Variants in SYVN1 observed in about 807,000 individuals in gnomAD.
SYVN1 encodes synoviolin 1.
Under a neutral mutation model 62.6 loss-of-function variants are expected in SYVN1, and 17 were observed. The ratio of observed to expected loss-of-function variants is 0.27; its 90% CI spans 0.19 to 0.41. The LOEUF is 0.41. Among genes scored for constraint, SYVN1 ranks in the 10% least tolerant of loss-of-function variants. The probability of loss-of-function intolerance (pLI) is 1.00; values close to 1 mark genes in which losing one functional copy is unlikely to be tolerated. For missense variants in SYVN1, 634 were observed against 818.0 expected (o/e 0.78, Z 2.74); for synonymous variants, 316 against 304.0 (o/e 1.04, Z -0.41).
Position 65,128,051 on chromosome 11 carries a change from GA to G in SYVN1, c.*330del, listed in dbSNP as rs1390291978. ...ACTCCGCACATACAAGTAGGGCTTG[GA>G]GGGGCAGCCCCTTCTCCTGGAAAGG... On this transcript the variant is annotated 3_prime_UTR_variant, in exon 16 of 16. Coordinates refer to ENST00000377190, the MANE Select transcript of SYVN1 (RefSeq NM_172230.3). 1.7e-5 allele frequency: 8 copies of G among 465,452 alleles called. No individual in the cohort carries two copies. Among genetic ancestry groups the G allele is most frequent in the Non-Finnish European group, 3.1e-5 (8 of 256,968 alleles). The allele number at this position is 465,452 out of a possible 1,614,324, so 28.8% of individuals were successfully genotyped here. A position where few individuals can be genotyped will look rare whatever the true frequency, so the allele number is the denominator to read the frequency against.
rs768453647 is a variant in SYVN1 at position 65,128,496 on chromosome 11, CAG to C, written c.1748-10_1748-9del. The C allele has an allele frequency of 4.5e-5, 73 of 1,613,550 alleles. No individual in the cohort carries two copies. Among genetic ancestry groups the C allele is most frequent in the Non-Finnish European group, 5.9e-5 (70 of 1,179,636 alleles). On this transcript the variant is annotated splice_polypyrimidine_tract_variant and intron_variant, in intron 15 of 15. Coordinates refer to ENST00000377190, the MANE Select transcript of SYVN1 (RefSeq NM_172230.3). ...TGCCCACTGACTCAGGAGCTGGGGA[CAG>C]AGAGACTGGAAGTGGAACCTAGAGA...
At chr11:65,132,826 C>T in intron 4 of SYVN1, 46 bp from the exon 5 acceptor site, 2 of 1,613,506 alleles carry the variant, frequency 1.2e-6, no homozygotes, top group Middle Eastern at 1.7e-4. Context: ...CTGGGGCTCA[C>T]CCCACACCCT....
chr11:65,129,027 C>G (rs115424401), intron 14 of SYVN1: 2 of 305,960 alleles, frequency 6.5e-6, no homozygotes, highest in Admixed American at 9.3e-5. Context: ...CCACAGTGCT[C>G]GAGCCTTGGA....
In SYVN1 at chr11:65,130,190, C is replaced by G; in HGVS notation, c.1235-15G>C. The G allele has an allele frequency of 6.2e-7, 1 of 1,606,344 alleles. No homozygotes were observed. The highest frequency in any genetic ancestry group is 8.5e-7 in the Non-Finnish European group (1 of 1,175,880). On this transcript the variant is annotated splice_polypyrimidine_tract_variant and intron_variant, in intron 12 of 15. Coordinates refer to ENST00000377190, the MANE Select transcript of SYVN1 (RefSeq NM_172230.3). ...AGAAAGGGCTGCTGAAGAGCAGGAA[C>G]GAAGTCAGTGAGTGTTCCATCCCTG...
In SYVN1 at chr11:65,128,492, G is replaced by T. The variant is rs1484777146; in HGVS notation, c.1748-4C>A. The T allele has an allele frequency of 6.2e-7, 1 of 1,613,672 alleles. No individual in the cohort carries two copies. Among genetic ancestry groups the T allele is most frequent in the Non-Finnish European group, 8.5e-7 (1 of 1,179,718 alleles). On this transcript the variant is annotated splice_polypyrimidine_tract_variant and splice_region_variant and intron_variant, in intron 15 of 15. Transcript: ENST00000377190. ...TCTGTGCCCACTGACTCAGGAGCTG[G>T]GGACAGAGAGACTGGAAGTGGAACC...
At chr11:65,134,015 C>T (rs532739929) in intron 1 of SYVN1, among the ~76,000 whole-genome samples, 3 of 152,246 alleles carry the variant, frequency 2.0e-5, no homozygotes, top group Non-Finnish European at 4.4e-5. Context: ...GCAGCCAGGG[C>T]TGAGAGCAGC....
In SYVN1 at chr11:65,132,960, T is replaced by C; in HGVS notation, c.340A>G (p.Lys114Glu). ...TCCTCAGCCAGCCAGTGGAAACATT[T>C]GAGGAAGAGAAGAAGAGTGAAGAGT... ...VALFTLLLFL[K>E]CFHWLAEDRV... is the part of the protein sequence containing the mutation. The change falls in exon 4 of 16, where the codon AAA becomes GAA. Residue 114 changes from lysine to glutamate, a missense_variant. Physicochemically the swap from Lys to Glu is moderately conservative, Grantham distance 56. Transcript: ENST00000377190. 6.2e-7 allele frequency: 1 copy of C among 1,614,148 alleles called. No individual in the cohort carries two copies. Among genetic ancestry groups the C allele is most frequent in the Non-Finnish European group, 8.5e-7 (1 of 1,180,024 alleles).
intron 5 of SYVN1, 40 bp from the exon 6 acceptor site, chr11:65,132,391 C>A: frequency 7.0e-7 from 1 of 1,422,954 alleles, no homozygotes; most frequent in East Asian, 2.3e-5. Context: ...GGGGGTCAGC[C>A]CAGGGCCCAA....
At position 65,132,802 on chromosome 11, in the gene SYVN1, G is replaced by A. The variant is rs747463581; in HGVS notation, c.379-22C>T. On this transcript the variant is annotated intron_variant, in intron 4 of 15. Coordinates refer to ENST00000377190, the MANE Select transcript of SYVN1 (RefSeq NM_172230.3). The stretch of plus-strand genomic sequence containing the variant: ...CCATCTGAGGCAGAGCACAGAAGAG[G>A]CCTGTCAGGAGGCCTGGGGCTCACC... The A allele has an allele frequency of 1.4e-5, 22 of 1,614,052 alleles. 1 individual carries two copies. The Middle Eastern group carries it at 3.5e-3, about 254-fold the overall frequency.
In SYVN1 at chr11:65,128,597, G is replaced by A; in HGVS notation, c.1713C>T (p.Ala571=). 1 of 1,614,182 alleles carries A rather than the reference G, an allele frequency of 6.2e-7. No homozygotes were observed. Among genetic ancestry groups the A allele is most frequent in the East Asian group, 2.2e-5 (1 of 44,890 alleles). The change falls in exon 15 of 16, where the codon GCC becomes GCT. Residue 571 remains alanine, a synonymous_variant. Transcript: ENST00000377190. ...SSEATTPTPG[A]SPPAPEMERP... is the part of the protein sequence containing the mutation. ...TTTCCATTTCAGGGGCTGGTGGGGA[G>A]GCTCCTGGGGTTGGGGTCGTGGCCT...
At position 65,131,614 on chromosome 11, in the gene SYVN1, C is replaced by T. The variant is rs543650700; in HGVS notation, c.532-18G>A. 18 of 1,611,730 alleles carry T rather than the reference C, an allele frequency of 1.1e-5. No homozygotes were observed. Among genetic ancestry groups the T allele is most frequent in the South Asian group, 6.6e-5 (6 of 91,030 alleles). ...ATGGCATACTGAAGGGAGAGGGGGA[C>T]GAGGGGGATGTAAACACATAGCTCC... On this transcript the variant is annotated intron_variant, in intron 6 of 15. Coordinates refer to ENST00000377190, the MANE Select transcript of SYVN1 (RefSeq NM_172230.3).
rs908327146 is a variant in SYVN1 at position 65,127,542 on chromosome 11, T to G, written c.*840A>C. 6.5e-6 allele frequency: 1 copy of G among 153,720 alleles called. No homozygotes were observed. The highest frequency in any genetic ancestry group is 2.4e-5 in the African/African-American group (1 of 41,502). The allele number at this position is 153,720 out of a possible 1,614,324, so 9.5% of individuals were successfully genotyped here. ...GCATTCAACTTCAAAAGACAAAATT[T>G]AAGCCAAAAGACACTAGTAAGGAAG... On this transcript the variant is annotated 3_prime_UTR_variant, in exon 16 of 16. Coordinates refer to ENST00000377190, the MANE Select transcript of SYVN1 (RefSeq NM_172230.3).
Position 65,128,077 on chromosome 11 carries a change from G to C in SYVN1, c.*305C>G. ...AGGGGCAGCCCCTTCTCCTGGAAAG[G>C]GGTGGGGGAAGAAGAGGGCTTCTCA... On this transcript the variant is annotated 3_prime_UTR_variant, in exon 16 of 16. Transcript: ENST00000377190. 1 of 510,432 alleles carries C rather than the reference G, an allele frequency of 2.0e-6. No homozygotes were observed. The highest frequency in any genetic ancestry group is 3.5e-6 in the Non-Finnish European group (1 of 284,722). 31.6% of individuals were successfully genotyped at this position (510,432 alleles called of 1,614,324 possible).
At chr11:65,131,808 CTG>C (rs1168967588) in intron 6 of SYVN1, among the ~76,000 whole-genome samples, 5 of 152,188 alleles carry the variant, frequency 3.3e-5, no homozygotes, top group Non-Finnish European at 5.9e-5. Flanking sequence ...ACATAATTAA[CTG>C]TTCCTTTATA....
intron 5 of SYVN1, 93 bp downstream of exon 5, chr11:65,132,639 C>G: frequency 7.2e-7 from 1 of 1,390,748 alleles, no homozygotes; most frequent in Non-Finnish European, 1.0e-6. Context: ...AATTATCTTT[C>G]CTGTACAGCT....
chr11:65,134,202 G>C (rs904078864), intron 1 of SYVN1: 1 of 153,182 alleles, frequency 6.5e-6, no homozygotes, highest in African/African-American at 2.4e-5. Flanking sequence ...AGCGGGACGG[G>C]AGAGAGCAGC....
intron 2 of SYVN1, 92 bp downstream of exon 2, chr11:65,133,378 C>T: frequency 6.3e-7 from 1 of 1,583,366 alleles, no homozygotes; most frequent in Non-Finnish European, 8.6e-7. Context: ...CGGCTACTTC[C>T]CTACTTACCT....
In SYVN1 at chr11:65,127,753, G is replaced by GGGA. The variant is rs1948119596; in HGVS notation, c.*628_*629insTCC. The GGGA allele has an allele frequency of 6.6e-6, 1 of 151,342 alleles. No individual in the cohort carries two copies. Among genetic ancestry groups the GGGA allele is most frequent in the African/African-American group, 2.4e-5 (1 of 40,918 alleles). The allele number at this position is 151,342 out of a possible 1,614,324, so 9.4% of individuals were successfully genotyped here. ...AGAGGAAAGGGGCCTGGGGGGAGGG[G>GGGA]CGGGGCAGGGTCCCTCAGTGCTGCC... On this transcript the variant is annotated 3_prime_UTR_variant, in exon 16 of 16. Transcript: ENST00000377190.
chr11:65,130,097 G>T lies in SYVN1; in HGVS notation c.1313C>A (p.Ser438Tyr), dbSNP rs199891091. The change falls in exon 13 of 16, where the codon TCT becomes TAT. Residue 438 changes from serine (S) to tyrosine (Y), a missense_variant. Physicochemically the swap from Ser to Tyr is moderately radical, Grantham distance 144. This residue lies in a region of SYVN1 where 351 missense variants were observed against 373.3 expected (regional missense o/e 0.94). Transcript: ENST00000377190. Reference protein sequence around the residue: ...TSATAASATASGPGSGSAPEA... With the variant: ...TSATAASATAYGPGSGSAPEA... ...TGGGGCAGAGCCAGAGCCTGGGCCA[G>T]ATGCTGTGGCAGAAGCAGCAGTAGC... 72 of 1,611,506 alleles carry T rather than the reference G, an allele frequency of 4.5e-5. No individual in the cohort carries two copies. In the Admixed American group the frequency reaches 1.2e-3, roughly 26 times the overall value.
Sources: gnomAD v4.1 joint callset for allele counts (sites outside exome capture counted in the v4.1 genomes callset) on GRCh38, gnomAD v4.1.1 for gene constraint, gnomAD v4.1.1 regional missense constraint, MANE v1.5 for transcripts, NCBI Gene and HGNC (gene_info 2026-07-23, HGNC 2026-07-21) for gene names.